Variants in TMEM201 observed in about 807,000 individuals in gnomAD.
TMEM201 encodes RP13-15M17.2.
TMEM201 carries 26 observed loss-of-function variants against 63.4 expected under a neutral mutation model. That is an observed-to-expected ratio of 0.41 (90% CI 0.30 to 0.57). TMEM201 has a LOEUF of 0.57. Among genes scored for constraint, TMEM201 ranks in the 20% least tolerant of loss-of-function variants. The pLI is 0.29. For missense variants in TMEM201, 794 were observed against 917.7 expected (o/e 0.87, Z 1.74); for synonymous variants, 417 against 421.6 (o/e 0.99, Z 0.14).
intron 6 of TMEM201, chr1:9,602,823 C>A: frequency 9.1e-6 from 9 of 986,868 alleles, no homozygotes; most frequent in Non-Finnish European, 1.1e-5. Context: ...GTGGTCTGTC[C>A]CCTTGGTCCT....
chr1:9,591,460 T>A (rs1643917860), intron 1 of TMEM201, among the ~76,000 whole-genome samples: 1 of 152,256 alleles, frequency 6.6e-6, no homozygotes, highest in Non-Finnish European at 1.5e-5. Flanking sequence ...GGGGGGCAGA[T>A]GCCCCAGTTT....
chr1:9,613,563 A>G lies in TMEM201; in HGVS notation c.*480A>G. On this transcript the variant is annotated 3_prime_UTR_variant, in exon 11 of 11. Transcript: ENST00000340381. ...CACTAAGCTGAAGGCCCCCTGGGGG[A>G]GGGGGAAGCATGGTCCTTATCATCT... is the stretch of plus-strand genomic sequence containing the variant. 6.2e-6 allele frequency: 1 copy of G among 160,874 alleles called. No individual in the cohort carries two copies. 10.0% of individuals were successfully genotyped at this position (160,874 alleles called of 1,614,324 possible). A position where few individuals can be genotyped will look rare whatever the true frequency, so the allele number is the denominator to read the frequency against.
chr1:9,607,481 TG>T lies in TMEM201; in HGVS notation c.1161-73del, dbSNP rs1644262300. ...CCCACCTTGCACTGTGGGAGAGGGG[TG>T]GGACCCACTGCAAGGCTGCCTCCAG... is the stretch of plus-strand genomic sequence containing the variant. On this transcript the variant is annotated intron_variant, in intron 6 of 10. Coordinates refer to ENST00000340381, the MANE Select transcript of TMEM201 (RefSeq NM_001130924.3). The surrounding 1 kb of genome is among the most constrained non-coding windows in gnomAD (Gnocchi z 5.4). 8.5e-7 allele frequency: 1 copy of T among 1,174,620 alleles called. No homozygotes were observed. The highest frequency in any genetic ancestry group is 1.5e-5 in the South Asian group (1 of 67,514). 72.8% of individuals were successfully genotyped at this position (1,174,620 alleles called of 1,614,324 possible).
Position 9,601,294 on chromosome 1 carries a change from C to A in TMEM201, c.796C>A (p.Pro266Thr). Reference sequence around the variant, plus strand: ...AGCCACACCTGACAATGGCACCACCCCTGGGGCCGAGGGCTGGCGGCAGTT... The same window carrying A: ...AGCCACACCTGACAATGGCACCACCACTGGGGCCGAGGGCTGGCGGCAGTT... ...GSATPDNGTT[P>T]GAEGWRQLLG... Residue 266 changes from proline (P) to threonine (T), a missense_variant, in exon 5 of 11, where the codon CCT becomes ACT. Pro to Thr is a conservative substitution (Grantham distance 38). Coordinates refer to ENST00000340381, the MANE Select transcript of TMEM201 (RefSeq NM_001130924.3). 6.2e-7 allele frequency: 1 copy of A among 1,610,346 alleles called. No individual in the cohort carries two copies. Among genetic ancestry groups the A allele is most frequent in the Non-Finnish European group, 8.5e-7 (1 of 1,179,838 alleles).
rs957061639 is a variant in TMEM201 at position 9,594,985 on chromosome 1, T to C, written c.114-905T>C. ...CCCACTCTGGCAGGGGCTCAAGCGGTGTCCTCGAGCTGGAGGTGGCCCCTG... is the reference window on the plus strand; with the variant it reads ...CCCACTCTGGCAGGGGCTCAAGCGGCGTCCTCGAGCTGGAGGTGGCCCCTG... On this transcript the variant is annotated intron_variant, in intron 1 of 10. Transcript: ENST00000340381. 4.6e-5 allele frequency among the ~76,000 whole-genome samples: 7 copies of C among 152,324 alleles called. No individual in the cohort carries two copies. In the South Asian group the frequency reaches 6.2e-4, roughly 14 times the overall value.
chr1:9,599,718 G>A (rs922043058), intron 4 of TMEM201, among the ~76,000 whole-genome samples: 6 of 152,058 alleles, frequency 3.9e-5, no homozygotes, highest in African/African-American at 1.5e-4. Context: ...CGCCTCCCGG[G>A]TTCACGCAAT....
chr1:9,611,354 T>C (rs948615191), intron 9 of TMEM201, among the ~76,000 whole-genome samples: 1 of 152,154 alleles, frequency 6.6e-6, no homozygotes, highest in Non-Finnish European at 1.5e-5. Flanking sequence ...CGCGCCACCA[T>C]GCCTGGCTAA....
chr1:9,601,368 G>C lies in TMEM201; in HGVS notation c.870G>C (p.Trp290Cys). The C allele has an allele frequency of 1.1e-5, 17 of 1,606,484 alleles. No homozygotes were observed. Among genetic ancestry groups the C allele is most frequent in the Non-Finnish European group, 1.4e-5 (17 of 1,179,772 alleles). The change falls in exon 5 of 11, where the codon TGG (tryptophan) becomes TGC (cysteine). Residue 290 changes from tryptophan (W) to cysteine (C), a missense_variant. Physicochemically the swap from Trp to Cys is radical, Grantham distance 215 (BLOSUM62 -2). Transcript: ENST00000340381. ...TGGCGGAGAAGCTGTGTGAGGCCTG[G>C]GCCTTTGGGCAGAGCCACCAGACGG... ...EHMAEKLCEA[W>C]AFGQSHQTGV...
At position 9,604,155 on chromosome 1, in the gene TMEM201, G is replaced by A. The variant is rs944663645; in HGVS notation, c.1160+1883G>A. 27 of 985,316 alleles carry A rather than the reference G, an allele frequency of 2.7e-5. No homozygotes were observed. The highest frequency in any genetic ancestry group is 7.0e-5 in the African/African-American group (4 of 57,240). 61.0% of individuals were successfully genotyped at this position (985,316 alleles called of 1,614,324 possible). Reference sequence around the variant, plus strand: ...CTTGCGTCTCGAATCTTCGGTTCTCGAGGAAGTGTTGACAGTGTGATGCTA... The same window carrying A: ...CTTGCGTCTCGAATCTTCGGTTCTCAAGGAAGTGTTGACAGTGTGATGCTA... On this transcript the variant is annotated intron_variant, in intron 6 of 10. Coordinates refer to ENST00000340381, the MANE Select transcript of TMEM201 (RefSeq NM_001130924.3). This position sits in a 1 kb window ranked among gnomAD's most constrained non-coding sequence, Gnocchi z 4.1.
At chr1:9,596,747 T>A in intron 2 of TMEM201, 112 bp from the exon 3 acceptor site, 3 of 1,042,004 alleles carry the variant, frequency 2.9e-6, no homozygotes, top group Admixed American at 2.6e-5. Context: ...AGAATGGAGA[T>A]GTTTGAGATC....
In TMEM201 at chr1:9,604,869, C is replaced by T. The variant is rs1369663477; in HGVS notation, c.1160+2597C>T. ...GATAATTGTCTAGTGACCCTCTCAT[C>T]ACTGTAACCATCGCGCCTGGCCTAG... is the stretch of plus-strand genomic sequence containing the variant. On this transcript the variant is annotated intron_variant, in intron 6 of 10. Coordinates refer to ENST00000340381, the MANE Select transcript of TMEM201 (RefSeq NM_001130924.3). This position sits in a 1 kb window ranked among gnomAD's most constrained non-coding sequence, Gnocchi z 4.1. The T allele has an allele frequency of 6.9e-5, 68 of 985,854 alleles. No individual in the cohort carries two copies. Among genetic ancestry groups the T allele is most frequent in the Non-Finnish European group, 8.1e-5 (67 of 830,000 alleles). The allele number at this position is 985,854 out of a possible 1,614,324, so 61.1% of individuals were successfully genotyped here.
chr1:9,589,838 C>T (rs1432204687), intron 1 of TMEM201, among the ~76,000 whole-genome samples: 1 of 152,224 alleles, frequency 6.6e-6, no homozygotes, highest in Admixed American at 6.5e-5. Flanking sequence ...GTTGTGAGAA[C>T]ATCCTAGAAA....
chr1:9,610,445 C>T lies in TMEM201; in HGVS notation c.1466-61C>T, dbSNP rs546197950. On this transcript the variant is annotated intron_variant, in intron 8 of 10. Transcript: ENST00000340381. This position sits in a 1 kb window ranked among gnomAD's most constrained non-coding sequence, Gnocchi z 4.9. ...AAGAATGCCCCCAGAAATGAAATAG[C>T]GCATTGTAGCGTTGCAGTGACAGGA... 42 of 1,386,978 alleles carry T rather than the reference C, an allele frequency of 3.0e-5. No homozygotes were observed. Among genetic ancestry groups the T allele is most frequent in the African/African-American group, 1.0e-4 (7 of 69,094 alleles). 85.9% of individuals were successfully genotyped at this position (1,386,978 alleles called of 1,614,324 possible).
chr1:9,606,382 G>A (rs962394891), intron 6 of TMEM201: 1 of 152,260 alleles, frequency 6.6e-6, no homozygotes, highest in African/African-American at 2.4e-5. Flanking sequence ...GTGGTCTCCT[G>A]GCACCTTGGA....
At chr1:9,589,349 C>G (rs1292867378) in intron 1 of TMEM201, among the ~76,000 whole-genome samples, 1 of 152,162 alleles carries the variant, frequency 6.6e-6, no homozygotes, top group Non-Finnish European at 1.5e-5. Flanking sequence ...CGCCCCTGCC[C>G]TCAGCCCCGT....
Position 9,610,446 on chromosome 1 carries a change from G to C in TMEM201, c.1466-60G>C. 2.9e-6 allele frequency: 4 copies of C among 1,399,948 alleles called. No homozygotes were observed. Among genetic ancestry groups the C allele is most frequent in the Admixed American group, 2.5e-5 (1 of 40,466 alleles). The allele number at this position is 1,399,948 out of a possible 1,614,324, so 86.7% of individuals were successfully genotyped here. A position where few individuals can be genotyped will look rare whatever the true frequency, so the allele number is the denominator to read the frequency against. On this transcript the variant is annotated intron_variant, in intron 8 of 10. Coordinates refer to ENST00000340381, the MANE Select transcript of TMEM201 (RefSeq NM_001130924.3). The surrounding 1 kb of genome is among the most constrained non-coding windows in gnomAD (Gnocchi z 4.9). ...AGAATGCCCCCAGAAATGAAATAGC[G>C]CATTGTAGCGTTGCAGTGACAGGAG...
chr1:9,612,302 G>A (rs1013786234), intron 10 of TMEM201, among the ~76,000 whole-genome samples: 2 of 152,172 alleles, frequency 1.3e-5, no homozygotes, highest in African/African-American at 2.4e-5. Context: ...TGGGTGCACC[G>A]GGACCACGTC....
intron 7 of TMEM201, 104 bp from the exon 8 acceptor site, chr1:9,609,736 T>C (rs1416314775): frequency 8.6e-6 from 10 of 1,160,584 alleles, no homozygotes; most frequent in African/African-American, 1.5e-5. Flanking sequence ...GAAAGCACAT[T>C]TGTAAAGAGC....
In TMEM201 at chr1:9,608,152, C is replaced by T. The variant is rs988265934; in HGVS notation, c.1393+363C>T. Among the ~76,000 whole-genome samples the T allele has an allele frequency of 1.3e-5, 2 of 152,270 alleles. No homozygotes were observed. The highest frequency in any genetic ancestry group is 2.4e-5 in the African/African-American group (1 of 41,554). On this transcript the variant is annotated intron_variant, in intron 7 of 10. Transcript: ENST00000340381. The surrounding 1 kb of genome is among the most constrained non-coding windows in gnomAD (Gnocchi z 4.3). ...GCTATTTAGGCTGAGGTGGGAGGAT[C>T]GGTTGAACCCAGGAGTTGGAAGCTG...
Sources: allele counts gnomAD v4.1 joint callset (sites outside exome capture counted in the v4.1 genomes callset), GRCh38; gene constraint gnomAD v4.1.1; non-coding constraint Gnocchi (gnomAD v3.1); transcripts MANE v1.5; gene names NCBI Gene and HGNC (gene_info 2026-07-23, HGNC 2026-07-21).